Variants in CENPP observed in about 807,000 individuals in gnomAD.
The protein encoded by CENPP is centromere protein P.
In CENPP, 24 loss-of-function variants were observed where a neutral mutation model predicts 35.6. The observed-to-expected ratio is 0.67, with a 90% CI of 0.49 to 0.95. The LOEUF (loss-of-function observed/expected upper bound fraction) is 0.95, where lower values mean the gene tolerates loss of function less well. CENPP is among the 40% of genes least tolerant of loss of function. The probability of loss-of-function intolerance (pLI) is 0.00; values close to 1 mark genes in which losing one functional copy is unlikely to be tolerated. For synonymous variants in CENPP, 120 were observed against 125.5 expected, an observed-to-expected ratio of 0.96 and a Z score of 0.29; for missense variants, 332 against 345.3, an observed-to-expected ratio of 0.96 and a Z score of 0.31.
rs554217853 is a variant in CENPP, at chr9:92,403,649, A to G, written c.564+23790A>G. 59 of 1,149,510 alleles carry G rather than the reference A, an allele frequency of 5.1e-5. 1 individual carries two copies. In the South Asian group the frequency reaches 2.3e-3, roughly 46 times the overall value. The allele number at this position is 1,149,510 out of a possible 1,614,324, so 71.2% of individuals were successfully genotyped here. ...TGAACATTCTGAAAAATAGTTTTGGAAAATAGTTTTACTTCTCTATCAGAA... is the reference window on the plus strand; with the variant it reads ...TGAACATTCTGAAAAATAGTTTTGGGAAATAGTTTTACTTCTCTATCAGAA... On this transcript the variant is annotated intron_variant, in intron 5 of 7. Transcript: ENST00000375587.
intron 5 of CENPP, among the ~76,000 whole-genome samples, chr9:92,446,921 G>GA (rs1844566947): frequency 1.3e-5 from 2 of 151,630 alleles, no homozygotes; most frequent in South Asian, 4.2e-4. Context: ...AGGGCTGGAA[G>GA]AATAGTCAAC....
chr9:92,427,673 G>T (rs117994540), intron 5 of CENPP, among the ~76,000 whole-genome samples: 4,687 of 145,060 alleles, frequency 0.032, 108 homozygotes, highest in South Asian at 0.087. Flanking sequence ...AGAGTCGGGG[G>T]TTTTCCATGT....
chr9:92,536,559 T>C (rs1396243713), intron 5 of CENPP: 1 of 152,644 alleles, frequency 6.6e-6, no homozygotes, highest in African/African-American at 2.4e-5. Flanking sequence ...CATGAAATAA[T>C]AGAAAGAAAA....
Position 92,442,120 on chromosome 9 carries a change from G to A in CENPP, c.564+62261G>A, listed in dbSNP as rs140281930. ...TTTAGATATATATAAAAACAAGGCC[G>A]GGCACAGTGGCTCACACCTGTAATC... On this transcript the variant is annotated intron_variant, in intron 5 of 7. Transcript: ENST00000375587. 1.1e-3 allele frequency among the ~76,000 whole-genome samples: 170 copies of A among 151,658 alleles called. 2 individuals carry two copies. The highest frequency in any genetic ancestry group is 3.9e-3 in the African/African-American group (160 of 41,368).
chr9:92,426,296 T>C (rs1008081114), intron 5 of CENPP, among the ~76,000 whole-genome samples: 1 of 152,204 alleles, frequency 6.6e-6, no homozygotes. Context: ...ATGATTATAC[T>C]TTGATTGAAA....
At chr9:92,415,507 G>T in intron 5 of CENPP, 1 of 1,289,806 alleles carries the variant, frequency 7.8e-7, no homozygotes, top group Non-Finnish European at 1.1e-6. Context: ...AATTAATCTT[G>T]TATTATAGTA....
chr9:92,472,861 G>A (rs1845577648), intron 5 of CENPP, among the ~76,000 whole-genome samples: 1 of 152,138 alleles, frequency 6.6e-6, no homozygotes, highest in Non-Finnish European at 1.5e-5. Context: ...ATAGGAAGCT[G>A]GAGGTTCTGC....
At chr9:92,404,561 C>A in intron 5 of CENPP, 1 of 1,294,676 alleles carries the variant, frequency 7.7e-7, no homozygotes, top group East Asian at 5.8e-5. Flanking sequence ...TGCATTAGCC[C>A]CAAGTGGGAG....
intron 5 of CENPP, among the ~76,000 whole-genome samples, chr9:92,431,385 AATACTTG>A (rs1434162427): frequency 1.3e-5 from 2 of 152,182 alleles, no homozygotes; most frequent in African/African-American, 2.4e-5. Flanking sequence ...AGATCTCATT[AATACTTG>A]ATACTTGATA....
chr9:92,528,559 A>G (rs1848554258), intron 5 of CENPP, among the ~76,000 whole-genome samples: 1 of 152,088 alleles, frequency 6.6e-6, no homozygotes. Context: ...AAAGCAAAAC[A>G]AAACAAAAAA....
intron 5 of CENPP, among the ~76,000 whole-genome samples, chr9:92,430,096 G>A (rs1183476268): frequency 6.6e-6 from 1 of 151,984 alleles, no homozygotes; most frequent in East Asian, 1.9e-4. Context: ...TAAATCCTCC[G>A]CATACCATTT....
intron 5 of CENPP, among the ~76,000 whole-genome samples, chr9:92,468,424 T>C (rs1845392310): frequency 6.6e-6 from 1 of 152,140 alleles, no homozygotes; most frequent in Non-Finnish European, 1.5e-5. Flanking sequence ...GAGAAGAGCA[T>C]AGCCATTCAG....
Position 92,613,436 on chromosome 9 carries a change from A to T in CENPP, c.*287A>T. 1 of 337,174 alleles carries T rather than the reference A, an allele frequency of 3.0e-6. No individual in the cohort carries two copies. The highest frequency in any genetic ancestry group is 2.8e-5 in the South Asian group (1 of 35,524). The allele number at this position is 337,174 out of a possible 1,614,324, so 20.9% of individuals were successfully genotyped here. A position where few individuals can be genotyped will look rare whatever the true frequency, so the allele number is the denominator to read the frequency against. On this transcript the variant is annotated 3_prime_UTR_variant, in exon 8 of 8. Coordinates refer to ENST00000375587, the MANE Select transcript of CENPP (RefSeq NM_001012267.3). The stretch of plus-strand genomic sequence containing the variant: ...GTGTGTCCTCAGATGTGTGGGGAGG[A>T]TCCATCCCCCACCCACTGCAGCCTC...
chr9:92,349,478 G>A (rs940578556), intron 4 of CENPP, among the ~76,000 whole-genome samples: 1 of 150,028 alleles, frequency 6.7e-6, no homozygotes, highest in Non-Finnish European at 1.5e-5. Flanking sequence ...ATATCAGCTC[G>A]CTGCAACCTC....
chr9:92,404,418 CATTT>C (rs1843239419), intron 5 of CENPP: 5 of 943,916 alleles, frequency 5.3e-6, no homozygotes, highest in Middle Eastern at 7.9e-4. Context: ...ATGGCCTTTA[CATTT>C]ATTAAGACTA....
chr9:92,459,161 T>C (rs569452516), intron 5 of CENPP, among the ~76,000 whole-genome samples: 1 of 152,344 alleles, frequency 6.6e-6, no homozygotes, highest in African/African-American at 2.4e-5. Flanking sequence ...GGTTATATAC[T>C]GTATTCTGGT....
Position 92,619,559 on chromosome 9 carries a change from G to A in CENPP, c.*6410G>A. 2 of 1,581,558 alleles carry A rather than the reference G, an allele frequency of 1.3e-6. No individual in the cohort carries two copies. The highest frequency in any genetic ancestry group is 1.7e-6 in the Non-Finnish European group (2 of 1,163,744). On this transcript the variant is annotated 3_prime_UTR_variant, in exon 8 of 8. Transcript: ENST00000375587. Reference sequence around the variant, plus strand: ...TTGGCAGTCATGGCGACGCGGTACTGCTGCACCTGCAGGGGCGGGAAAGAT... The same window carrying A: ...TTGGCAGTCATGGCGACGCGGTACTACTGCACCTGCAGGGGCGGGAAAGAT...
At chr9:92,569,094 A>G (rs1850069498) in intron 5 of CENPP, among the ~76,000 whole-genome samples, 1 of 152,042 alleles carries the variant, frequency 6.6e-6, no homozygotes, top group Non-Finnish European at 1.5e-5. Context: ...AGTAGATCCC[A>G]TTTGTCAATT....
chr9:92,600,449 T>G (rs775664700), intron 5 of CENPP: 1 of 1,612,758 alleles, frequency 6.2e-7, no homozygotes, highest in Admixed American at 1.7e-5. Context: ...ACAAGAAAAG[T>G]TGGGTCAAGG....
Sources: gnomAD v4.1 joint callset for allele counts (sites outside exome capture counted in the v4.1 genomes callset) on GRCh38, gnomAD v4.1.1 for gene constraint, MANE v1.5 for transcripts, NCBI Gene and HGNC (gene_info 2026-07-23, HGNC 2026-07-21) for gene names.